KCNH1: variants seen among roughly 807,000 people sequenced by gnomAD.
KCNH1 encodes potassium voltage-gated channel subfamily H member 1, also known as voltage-gated delayed rectifier potassium channel KCNH1.
A neutral mutation model predicts 69.2 loss-of-function variants in KCNH1; 27 were observed. The ratio of observed to expected loss-of-function variants is 0.39; its 90% CI spans 0.29 to 0.54. The LOEUF is 0.54. Among genes scored for constraint, KCNH1 ranks in the 20% least tolerant of loss-of-function variants. The probability of loss-of-function intolerance (pLI) is 0.68; values close to 1 mark genes in which losing one functional copy is unlikely to be tolerated. For missense variants in KCNH1, 798 were observed against 1,261.6 expected (o/e 0.63, Z 5.57); for synonymous variants, 456 against 487.7 (o/e 0.93, Z 0.86).
intron 6 of KCNH1, among the ~76,000 whole-genome samples, chr1:210,943,945 G>T (rs1687916149): frequency 6.6e-6 from 1 of 152,172 alleles, no homozygotes; most frequent in South Asian, 2.1e-4. Context: ...TGGGCCCAGG[G>T]ACTGGAAGCT....
intron 5 of KCNH1, 58 bp downstream of exon 5, chr1:211,082,722 C>T: frequency 7.3e-7 from 1 of 1,365,710 alleles, no homozygotes; most frequent in Admixed American, 1.8e-5. Context: ...GTGCCATTGC[C>T]TCAGCCCATG....
chr1:210,987,923 G>C (rs1688871608), intron 6 of KCNH1, among the ~76,000 whole-genome samples: 1 of 152,220 alleles, frequency 6.6e-6, no homozygotes, highest in Non-Finnish European at 1.5e-5. Context: ...AGCTGTAGTG[G>C]GCTCCACCAA....
intron 4 of KCNH1, among the ~76,000 whole-genome samples, chr1:211,087,163 T>G (rs1427577218): frequency 1.3e-5 from 2 of 152,210 alleles, no homozygotes; most frequent in African/African-American, 2.4e-5. Flanking sequence ...TACAACAGTT[T>G]GCCAGAGCCT....
intron 5 of KCNH1, among the ~76,000 whole-genome samples, chr1:211,065,413 G>A (rs1690511464): frequency 6.6e-6 from 1 of 152,170 alleles, no homozygotes; most frequent in Admixed American, 6.5e-5. Context: ...GATCTCGCTT[G>A]TATGTGGAAC....
chr1:211,061,989 G>A (rs1690440543), intron 5 of KCNH1, among the ~76,000 whole-genome samples: 1 of 152,046 alleles, frequency 6.6e-6, no homozygotes, highest in East Asian at 1.9e-4. Context: ...TGGAGCAACA[G>A]AAGACCCAGA....
Position 211,003,716 on chromosome 1 carries a change from C to T in KCNH1, c.1032+15067G>A, listed in dbSNP as rs72759505. Among the ~76,000 whole-genome samples the T allele has an allele frequency of 4.0e-3, 602 of 152,134 alleles. 1 individual carries two copies. The highest frequency in any genetic ancestry group is 5.4e-3 in the Non-Finnish European group (366 of 68,000). ...AAGCACCAGAGAAAAAGAATTCCTA[C>T]GATGGACAACAATTAAACTAAGAGC... is the stretch of plus-strand genomic sequence containing the variant. On this transcript the variant is annotated intron_variant, in intron 6 of 10. Transcript: ENST00000271751.
intron 6 of KCNH1, among the ~76,000 whole-genome samples, chr1:210,968,118 T>C (rs2102363889): frequency 6.7e-6 from 1 of 150,150 alleles, no homozygotes; most frequent in Admixed American, 6.7e-5. Flanking sequence ...ATATGCGGTG[T>C]TTGGTTTTTT....
At chr1:211,070,418 TAAAAAAAA>T (rs759773298) in intron 5 of KCNH1, among the ~76,000 whole-genome samples, 13 of 112,610 alleles carry the variant, frequency 1.2e-4, no homozygotes, top group South Asian at 3.7e-4. Context: ...ACTCCACCTT[TAAAAAAAA>T]AAAAACACAC....
intron 7 of KCNH1, among the ~76,000 whole-genome samples, chr1:210,906,009 C>A (rs1445208758): frequency 1.3e-5 from 2 of 152,236 alleles, no homozygotes; most frequent in African/African-American, 4.8e-5. Flanking sequence ...CATACTCCCA[C>A]TTCCTCTTCT....
rs1370693877 is a variant in KCNH1 at position 210,782,140 on chromosome 1, C to T, written c.1916-6596G>A. On this transcript the variant is annotated intron_variant, in intron 9 of 10. Coordinates refer to ENST00000271751, the MANE Select transcript of KCNH1 (RefSeq NM_172362.3). ...TCTGTTTCCTCCTGGAAACACCCAT[C>T]GTAATTGGAACTGCTGCATACCCAG... 1.1e-4 allele frequency among the ~76,000 whole-genome samples: 16 copies of T among 152,182 alleles called. 1 individual carries two copies. The highest frequency in any genetic ancestry group is 2.1e-4 in the Non-Finnish European group (14 of 68,040).
intron 6 of KCNH1, among the ~76,000 whole-genome samples, chr1:210,962,615 C>T (rs1345102644): frequency 1.3e-5 from 2 of 151,838 alleles, no homozygotes; most frequent in Non-Finnish European, 2.9e-5. Context: ...GATAACATTC[C>T]ATTGGGTGAA....
chr1:210,944,053 T>A (rs778628963), intron 6 of KCNH1, among the ~76,000 whole-genome samples: 1 of 152,120 alleles, frequency 6.6e-6, no homozygotes, highest in Non-Finnish European at 1.5e-5. Context: ...AGACTCTAAG[T>A]CCAGCCCCAG....
intron 5 of KCNH1, among the ~76,000 whole-genome samples, chr1:211,028,025 A>T (rs1212780927): frequency 6.6e-6 from 1 of 152,168 alleles, no homozygotes; most frequent in Non-Finnish European, 1.5e-5. Context: ...CCCCAACAGG[A>T]GCAAAACACA....
chr1:210,774,345 G>A (rs1367027978), intron 10 of KCNH1, among the ~76,000 whole-genome samples: 5 of 152,112 alleles, frequency 3.3e-5, no homozygotes, highest in African/African-American at 1.2e-4. Flanking sequence ...TGAGAATTCT[G>A]TGGGGGCCTT....
Position 210,731,901 on chromosome 1 carries a change from T to C in KCNH1, c.2112+43447A>G, listed in dbSNP as rs575685448. On this transcript the variant is annotated intron_variant, in intron 10 of 10. Transcript: ENST00000271751. The stretch of plus-strand genomic sequence containing the variant: ...CACCCACACTGAGAAGGAGAGCTCA[T>C]GCCTCTTACCTCAACCATTTCTGAT... Among the ~76,000 whole-genome samples, 10 of 152,270 alleles carry C rather than the reference T, an allele frequency of 6.6e-5. No individual in the cohort carries two copies. The South Asian group carries it at 1.7e-3, about 25-fold the overall frequency.
chr1:210,890,175 G>A (rs1439763265), intron 7 of KCNH1, among the ~76,000 whole-genome samples: 1 of 152,116 alleles, frequency 6.6e-6, no homozygotes, highest in Non-Finnish European at 1.5e-5. Flanking sequence ...AAATCAGCTC[G>A]GTACTGGTAC....
At chr1:210,822,737 C>T (rs987513375) in intron 7 of KCNH1, among the ~76,000 whole-genome samples, 5 of 152,158 alleles carry the variant, frequency 3.3e-5, no homozygotes, top group African/African-American at 1.2e-4. Context: ...CTGCCCATTT[C>T]TCTGTGCTAG....
At chr1:210,732,967 G>GGGTC (rs1439665549) in intron 10 of KCNH1, among the ~76,000 whole-genome samples, 3 of 152,168 alleles carry the variant, frequency 2.0e-5, no homozygotes, top group African/African-American at 4.8e-5. Context: ...ATTAGGTGAT[G>GGGTC]GGTCGTTGAG....
At position 210,683,458 on chromosome 1, in the gene KCNH1, G is replaced by A. The variant is rs527388092; in HGVS notation, c.2793C>T (p.His931=). The A allele has an allele frequency of 2.0e-5, 32 of 1,614,078 alleles. No homozygotes were observed. Among genetic ancestry groups the A allele is most frequent in the Middle Eastern group, 3.3e-4 (2 of 6,062 alleles). ...AGGCCTTGATGTCCTCCTTCAGCTC[G>A]TGCCTCACCTCCAGGACTGTGGCCT... The part of the protein sequence containing the change: ...TLQATVLEVR[H]ELKEDIKALN... Residue 931 remains histidine (H), a synonymous_variant, in exon 11 of 11, where the codon CAC becomes CAT. Coordinates refer to ENST00000271751, the MANE Select transcript of KCNH1 (RefSeq NM_172362.3). The surrounding 1 kb of genome is among the most constrained non-coding windows in gnomAD (Gnocchi z 5.7).
Sources: gnomAD v4.1 joint callset for allele counts (sites outside exome capture counted in the v4.1 genomes callset) on GRCh38, gnomAD v4.1.1 for gene constraint, Gnocchi (gnomAD v3.1) non-coding constraint, MANE v1.5 for transcripts, NCBI Gene and HGNC (gene_info 2026-07-23, HGNC 2026-07-21) for gene names.